Variants in CTNNA3 observed in about 807,000 individuals in gnomAD.
The protein encoded by CTNNA3 is catenin alpha-3.
Under a neutral mutation model 95.7 loss-of-function variants are expected in CTNNA3, and 76 were observed. The observed-to-expected ratio is 0.79, with a 90% confidence interval of 0.66 to 0.96. The LOEUF (loss-of-function observed/expected upper bound fraction) is 0.96, where lower values mean the gene tolerates loss of function less well. Ranked by LOEUF, CTNNA3 falls within the 40% of genes least tolerant of loss-of-function variation. The probability of loss-of-function intolerance (pLI) is 0.00; values close to 1 mark genes in which losing one functional copy is unlikely to be tolerated. For missense variants in CTNNA3, 1,191 were observed against 1,089.8 expected (o/e 1.09, Z -1.31); for synonymous variants, 431 against 374.4 (o/e 1.15, Z -1.74).
In CTNNA3 at chr10:66,989,067, G is replaced by GT. The variant is rs554053847; in HGVS notation, c.1047+191249dup. Reference sequence around the variant, plus strand: ...GTTACCTCTCATAGCAAGAAAAAGTGTTTTTTTATTTCCTGTATTTCCTGG... The same window carrying GT: ...GTTACCTCTCATAGCAAGAAAAAGTGTTTTTTTTATTTCCTGTATTTCCTGG... On this transcript the variant is annotated intron_variant, in intron 7 of 17. Coordinates refer to ENST00000433211, the MANE Select transcript of CTNNA3 (RefSeq NM_013266.4). Among the ~76,000 whole-genome samples, 9 of 151,958 alleles carry GT rather than the reference G, an allele frequency of 5.9e-5. No individual in the cohort carries two copies. In the East Asian group the frequency reaches 1.2e-3, roughly 20 times the overall value.
Position 66,271,833 on chromosome 10 carries a change from T to C in CTNNA3, c.1884+8637A>G, listed in dbSNP as rs75996317. 2.9e-4 allele frequency among the ~76,000 whole-genome samples: 44 copies of C among 152,290 alleles called. No individual in the cohort carries two copies. In the East Asian group the frequency reaches 8.1e-3, roughly 28 times the overall value. On this transcript the variant is annotated intron_variant, in intron 13 of 17. Transcript: ENST00000433211. The stretch of plus-strand genomic sequence containing the variant: ...TCCCAGAACGACTTCAAGCTGAACA[T>C]CTTTCTCTCAGAATGAGCAACTGAG...
At chr10:67,360,194 T>A (rs1414250417) in intron 5 of CTNNA3, among the ~76,000 whole-genome samples, 1 of 151,916 alleles carries the variant, frequency 6.6e-6, no homozygotes, top group Non-Finnish European at 1.5e-5. Context: ...ATAAATGAGA[T>A]CTTTAAGGGA....
intron 3 of CTNNA3, among the ~76,000 whole-genome samples, chr10:67,596,053 A>G (rs1210000980): frequency 6.6e-6 from 1 of 152,178 alleles, no homozygotes; most frequent in East Asian, 1.9e-4. Flanking sequence ...TGAAGACAGC[A>G]TGCAGTTGGA....
At chr10:66,799,730 G>A (rs892861064) in intron 7 of CTNNA3, among the ~76,000 whole-genome samples, 19 of 151,180 alleles carry the variant, frequency 1.3e-4, no homozygotes, top group African/African-American at 4.6e-4. Flanking sequence ...TTCCACACCC[G>A]AAGAAAGGAA....
chr10:65,947,065 T>G (rs1443465480), intron 17 of CTNNA3, among the ~76,000 whole-genome samples: 1 of 150,256 alleles, frequency 6.7e-6, no homozygotes, highest in Non-Finnish European at 1.5e-5. Context: ...TGAATACAGT[T>G]AATGACAGCC....
intron 11 of CTNNA3, among the ~76,000 whole-genome samples, chr10:66,437,687 C>T (rs10822832): frequency 0.38 from 58,051 of 151,804 alleles, 11,649 homozygotes; most frequent in African/African-American, 0.5. Context: ...ACCCACCTTC[C>T]GAAGCCTACT....
chr10:67,192,448 T>C (rs1403714729), intron 6 of CTNNA3, among the ~76,000 whole-genome samples: 2 of 151,824 alleles, frequency 1.3e-5, no homozygotes, highest in Non-Finnish European at 2.9e-5. Flanking sequence ...GTAAAGGCGC[T>C]GAATATACAT....
chr10:67,430,820 T>TACACACACAC (rs371146065), intron 5 of CTNNA3, among the ~76,000 whole-genome samples: 40,304 of 138,520 alleles, frequency 0.29, 6,685 homozygotes, highest in Non-Finnish European at 0.36. Context: ...CAAACATAAC[T>TACACACACAC]ACACACACAC....
At position 67,215,404 on chromosome 10, in the gene CTNNA3, G is replaced by A. The variant is rs138236726; in HGVS notation, c.843+4203C>T. On this transcript the variant is annotated intron_variant, in intron 6 of 17. Coordinates refer to ENST00000433211, the MANE Select transcript of CTNNA3 (RefSeq NM_013266.4). ...GTTACTCAAGATGGCTTATTTGTGTGTCTTGTGAAAACCATCTTCCTTGGA... is the reference window on the plus strand; with the variant it reads ...GTTACTCAAGATGGCTTATTTGTGTATCTTGTGAAAACCATCTTCCTTGGA... Among the ~76,000 whole-genome samples the A allele has an allele frequency of 5.8e-3, 877 of 152,222 alleles. 8 individuals carry two copies. Among genetic ancestry groups the A allele is most frequent in the African/African-American group, 0.02 (819 of 41,560 alleles).
chr10:66,607,472 C>CAAAAAAAAA (rs574854850), intron 10 of CTNNA3, among the ~76,000 whole-genome samples: 9 of 45,266 alleles, frequency 2.0e-4, no homozygotes, highest in Admixed American at 3.3e-4. Context: ...CAGAGACAAC[C>CAAAAAAAAA]AAAAAAAAAA....
intron 13 of CTNNA3, among the ~76,000 whole-genome samples, chr10:66,153,450 T>C (rs1237845789): frequency 6.6e-6 from 1 of 151,980 alleles, no homozygotes; most frequent in African/African-American, 2.4e-5. Flanking sequence ...TCAAATTACA[T>C]ACTTTGTGTG....
intron 5 of CTNNA3, among the ~76,000 whole-genome samples, chr10:67,279,604 CTA>C (rs1564531405): frequency 7.2e-6 from 1 of 139,058 alleles, no homozygotes; most frequent in African/African-American, 2.8e-5. Context: ...AAGGTGAACA[CTA>C]TGTAGCTACG....
chr10:66,043,053 G>A lies in CTNNA3; in HGVS notation c.2159+26255C>T, dbSNP rs190306933. 1.4e-3 allele frequency among the ~76,000 whole-genome samples: 198 copies of A among 146,562 alleles called. 3 individuals are homozygous for A. The highest frequency in any genetic ancestry group is 4.8e-3 in the African/African-American group (190 of 39,684). ...ATCTAATTACATTGAGGCCAGAGAA[G>A]TAGAAGAAAATAAAACAGAAGGTGT... On this transcript the variant is annotated intron_variant, in intron 15 of 17. Coordinates refer to ENST00000433211, the MANE Select transcript of CTNNA3 (RefSeq NM_013266.4).
intron 7 of CTNNA3, chr10:66,926,292 C>CA (rs1847069540): frequency 1.9e-6 from 1 of 524,810 alleles, no homozygotes; most frequent in Non-Finnish European, 3.5e-6. Context: ...TCCCCACCCC[C>CA]CAAAAAACTG....
intron 7 of CTNNA3, among the ~76,000 whole-genome samples, chr10:66,876,615 C>A (rs1844632284): frequency 6.6e-6 from 1 of 152,108 alleles, no homozygotes; most frequent in Non-Finnish European, 1.5e-5. Flanking sequence ...TCACCTGCAG[C>A]CATGATTGAA....
intron 11 of CTNNA3, among the ~76,000 whole-genome samples, chr10:66,432,838 T>C (rs12766513): frequency 0.38 from 58,014 of 151,748 alleles, 11,648 homozygotes; most frequent in African/African-American, 0.5. Context: ...GTGATGTTCC[T>C]TTCCCTGTGC....
At chr10:67,543,371 A>C (rs1840742074) in intron 3 of CTNNA3, among the ~76,000 whole-genome samples, 2 of 152,064 alleles carry the variant, frequency 1.3e-5, no homozygotes, top group African/African-American at 2.4e-5. Flanking sequence ...AAGTACAAAA[A>C]AATTGTTGGC....
chr10:66,100,424 G>T (rs554161081), intron 14 of CTNNA3, among the ~76,000 whole-genome samples: 1 of 152,290 alleles, frequency 6.6e-6, no homozygotes, highest in East Asian at 1.9e-4. Flanking sequence ...TGGGATTTAT[G>T]CAGAGGATAT....
intron 5 of CTNNA3, among the ~76,000 whole-genome samples, chr10:67,418,616 G>T (rs1845627591): frequency 2.0e-5 from 3 of 151,862 alleles, no homozygotes; most frequent in Non-Finnish European, 4.4e-5. Context: ...AATACCACAT[G>T]ATCTGACATA....
Sources: allele counts gnomAD v4.1 joint callset (sites outside exome capture counted in the v4.1 genomes callset), GRCh38; gene constraint gnomAD v4.1.1; transcripts MANE v1.5; gene names NCBI Gene and HGNC (gene_info 2026-07-23, HGNC 2026-07-21).